The following RYR1 variants were observed in gnomAD, a reference collection of about 807,000 sequenced individuals.
The protein encoded by RYR1 is ryanodine receptor 1.
In RYR1, 342 loss-of-function variants were observed where a neutral mutation model predicts 583.5. The ratio of observed to expected loss-of-function variants is 0.59; its 90% CI spans 0.54 to 0.64. RYR1 has a LOEUF of 0.64. RYR1 is among the 30% of genes least tolerant of loss of function. The pLI is 0.00. For missense variants in RYR1, 6,032 were observed against 6,917.2 expected (o/e 0.87, Z 4.54); for synonymous variants, 2,791 against 2,822.5 (o/e 0.99, Z 0.35).
chr19:38,543,748 C>A lies in RYR1; in HGVS notation c.11908-23C>A. 1.2e-6 allele frequency: 2 copies of A among 1,611,666 alleles called. No homozygotes were observed. Among genetic ancestry groups the A allele is most frequent in the Non-Finnish European group, 8.5e-7 (1 of 1,179,914 alleles). On this transcript the variant is annotated intron_variant, in intron 86 of 105. Transcript: ENST00000359596. This position sits in a 1 kb window ranked among gnomAD's most constrained non-coding sequence, Gnocchi z 4.4. ...CCCTTCTCGGGGATTCCCTTCCCCCCCACACGGCACTCTGCCTCCCAGGGT... is the reference window on the plus strand; with the variant it reads ...CCCTTCTCGGGGATTCCCTTCCCCCACACACGGCACTCTGCCTCCCAGGGT...
chr19:38,486,168 T>C lies in RYR1; in HGVS notation c.5513T>C (p.Phe1838Ser), dbSNP rs765831276. Residue 1838 changes from phenylalanine (F) to serine (S), a missense_variant, in exon 34 of 106, where the codon TTT (phenylalanine) becomes TCT (serine). Physicochemically the swap from Phe to Ser is radical, Grantham distance 155. Around this residue, in one of 11 missense-constraint regions of RYR1, gnomAD observed 2,627 missense variants for 2,961.3 expected, o/e 0.89. Coordinates refer to ENST00000359596, the MANE Select transcript of RYR1 (RefSeq NM_000540.3). The stretch of plus-strand genomic sequence containing the variant: ...GTCGGGGGCTCCGTGGAGTTCCAGT[T>C]TGTGCCTGTGCTCAAGCTCGTGTCC... Reference protein sequence around the residue: ...DPVGGSVEFQFVPVLKLVSTL... With the variant: ...DPVGGSVEFQSVPVLKLVSTL... 1 of 1,612,980 alleles carries C rather than the reference T, an allele frequency of 6.2e-7. No homozygotes were observed. Among genetic ancestry groups the C allele is most frequent in the Admixed American group, 1.7e-5 (1 of 60,006 alleles).
intron 94 of RYR1, among the ~76,000 whole-genome samples, chr19:38,571,505 C>T (rs1362247288): frequency 6.6e-6 from 1 of 152,006 alleles, no homozygotes; most frequent in Non-Finnish European, 1.5e-5. Context: ...GGCCTGGTGG[C>T]GGGCACCTGT....
In RYR1 at chr19:38,477,809, C is replaced by T. The variant is rs1005584992; in HGVS notation, c.4393C>T (p.Leu1465Phe). 2 of 1,613,880 alleles carry T rather than the reference C, an allele frequency of 1.2e-6. No individual in the cohort carries two copies. Among genetic ancestry groups the T allele is most frequent in the Non-Finnish European group, 1.7e-6 (2 of 1,179,960 alleles). Reference protein sequence around the residue: ...DYHQHDMSFDLSKVRVVTVTM... With the variant: ...DYHQHDMSFDFSKVRVVTVTM... ...CCATCAGCACGACATGAGCTTCGAC[C>T]TCAGCAAGGTCCGGGTCGTGACGGT... The change falls in exon 30 of 106, where the codon CTC becomes TTC. Residue 1465 changes from leucine (L) to phenylalanine (F), a missense_variant. Leu to Phe is a conservative substitution (Grantham distance 22). Transcript: ENST00000359596.
intron 29 of RYR1, 105 bp downstream of exon 29, chr19:38,475,555 T>A (rs1243443721): frequency 4.3e-6 from 6 of 1,387,386 alleles, no homozygotes; most frequent in Middle Eastern, 1.8e-4. Context: ...CACCTTACAC[T>A]GGGGACTCCC....
At chr19:38,530,342 C>A (rs557777871) in intron 76 of RYR1, among the ~76,000 whole-genome samples, 5 of 151,990 alleles carry the variant, frequency 3.3e-5, no homozygotes, top group Admixed American at 2.0e-4. Context: ...TCAGACCCCC[C>A]ACTCCACATC....
rs118192118 is a variant in RYR1 at position 38,452,854 on chromosome 19, C to T, written c.1280C>T (p.Ser427Leu). Reference sequence around the variant, plus strand: ...AGCTTCAGCGGGAAGCCACGGGGCTCGGGGCCACCCGCTGGCACGGCGCTG... The same window carrying T: ...AGCTTCAGCGGGAAGCCACGGGGCTTGGGGCCACCCGCTGGCACGGCGCTG... ...LDSFSGKPRG[S>L]GPPAGTALPI... is the part of the protein sequence containing the mutation. Residue 427 changes from serine to leucine, a missense_variant, in exon 13 of 106, where the codon TCG becomes TTG. Physicochemically the swap from Ser to Leu is moderately radical, Grantham distance 145 (BLOSUM62 -2). Around this residue, in one of 11 missense-constraint regions of RYR1, gnomAD observed 2,627 missense variants for 2,961.3 expected, o/e 0.89. Transcript: ENST00000359596. 6.8e-6 allele frequency: 11 copies of T among 1,606,116 alleles called. No homozygotes were observed. Among genetic ancestry groups the T allele is most frequent in the African/African-American group, 1.3e-5 (1 of 74,938 alleles).
At position 38,492,501 on chromosome 19, in the gene RYR1, G is replaced by C. The variant is rs763963516; in HGVS notation, c.6139G>C (p.Asp2047His). 7.4e-6 allele frequency: 12 copies of C among 1,614,006 alleles called. No homozygotes were observed. The Admixed American group carries it at 1.2e-4, about 16-fold the overall frequency. ...DLLAHCGIQL[D>H]GEEEEPEEET... Reference sequence around the variant, plus strand: ...TTGACCACTTCCAGGAATTCAGCTAGATGGAGAGGAGGAGGAACCAGAGGA... The same window carrying C: ...TTGACCACTTCCAGGAATTCAGCTACATGGAGAGGAGGAGGAACCAGAGGA... Residue 2047 changes from aspartate to histidine, a missense_variant, in exon 38 of 106, where the codon GAT (aspartate) becomes CAT (histidine). By Grantham distance (81) the Asp-to-His change is moderately conservative. Around this residue, in one of 11 missense-constraint regions of RYR1, gnomAD observed 2,627 missense variants for 2,961.3 expected, o/e 0.89. Coordinates refer to ENST00000359596, the MANE Select transcript of RYR1 (RefSeq NM_000540.3).
At chr19:38,528,502 A>C in intron 74 of RYR1, 84 bp downstream of exon 74, 1 of 1,588,844 alleles carries the variant, frequency 6.3e-7, no homozygotes, top group East Asian at 2.2e-5. Flanking sequence ...GGCCAACGTG[A>C]TGGGGCCTTG....
intron 84 of RYR1, among the ~76,000 whole-genome samples, chr19:38,541,807 G>T (rs1279001523): frequency 2.6e-5 from 4 of 152,044 alleles, no homozygotes; most frequent in Non-Finnish European, 5.9e-5. Flanking sequence ...GCAGGGGCTG[G>T]ACATACGGCT....
chr19:38,511,737 T>G (rs1430099547), intron 61 of RYR1, 127 bp downstream of exon 61: 1 of 1,166,326 alleles, frequency 8.6e-7, no homozygotes, highest in East Asian at 2.3e-5. Context: ...CCTGGAGACA[T>G]GGACCAGGTA....
rs778281847 is a variant in RYR1, at chr19:38,494,513, C to G, written c.6436C>G (p.Pro2146Ala). 1.2e-6 allele frequency: 2 copies of G among 1,613,802 alleles called. No individual in the cohort carries two copies. Among genetic ancestry groups the G allele is most frequent in the Admixed American group, 3.3e-5 (2 of 60,020 alleles). The change falls in exon 39 of 106, where the codon CCG (proline) becomes GCG (alanine). Residue 2146 changes from proline (P) to alanine (A), a missense_variant. Physicochemically the swap from Pro to Ala is conservative, Grantham distance 27. This residue lies in a region of RYR1 where 2,627 missense variants were observed against 2,961.3 expected (regional missense o/e 0.89). Transcript: ENST00000359596. ...RALPRAYTIS[P>A]SSVEDTMSLL... ...CCTGCCGCGGGCGTACACCATCTCA[C>G]CGTCCTCCGTGGAAGACACCATGAG...
At position 38,543,598 on chromosome 19, in the gene RYR1, A is replaced by T; in HGVS notation, c.11845A>T (p.Asn3949Tyr). Residue 3949 changes from asparagine to tyrosine, a missense_variant, in exon 86 of 106, where the codon AAC becomes TAC. Physicochemically the swap from Asn to Tyr is moderately radical, Grantham distance 143. This residue lies in a region of RYR1 where 82 missense variants were observed against 139.7 expected (regional missense o/e 0.59). Coordinates refer to ENST00000359596, the MANE Select transcript of RYR1 (RefSeq NM_000540.3). The surrounding 1 kb of genome is among the most constrained non-coding windows in gnomAD (Gnocchi z 4.4). ...KDVIEEQGKR[N>Y]FSKAMSVAKQ... Reference sequence around the variant, plus strand: ...TGTCATTGAAGAGCAGGGCAAGAGGAACTTCTCCAAAGCCATGTCGGTGGC... The same window carrying T: ...TGTCATTGAAGAGCAGGGCAAGAGGTACTTCTCCAAAGCCATGTCGGTGGC... 1 of 1,614,126 alleles carries T rather than the reference A, an allele frequency of 6.2e-7. No individual in the cohort carries two copies. The highest frequency in any genetic ancestry group is 8.5e-7 in the Non-Finnish European group (1 of 1,180,006).
At chr19:38,511,051 TTTGGGAAGCTGAG>T (rs1838919911) in intron 60 of RYR1, among the ~76,000 whole-genome samples, 1 of 152,050 alleles carries the variant, frequency 6.6e-6, no homozygotes, top group Admixed American at 6.6e-5. Context: ...ATTCCAACAC[TTTGGGAAGCTGAG>T]GTGGGAAGAT....
intron 47 of RYR1, among the ~76,000 whole-genome samples, chr19:38,501,682 C>T (rs1252539276): frequency 1.3e-5 from 2 of 151,930 alleles, no homozygotes; most frequent in African/African-American, 2.4e-5. Flanking sequence ...AGAAGCCTTC[C>T]GAGAGGGGGT....
chr19:38,502,997 C>A (rs1336631146), intron 49 of RYR1, 27 bp downstream of exon 49: 3 of 1,602,106 alleles, frequency 1.9e-6, no homozygotes, highest in Non-Finnish European at 1.7e-6. Flanking sequence ...TTTAGCATCT[C>A]ATTTCCAGGC....
At chr19:38,485,566 G>T in intron 33 of RYR1, 24 bp from the exon 34 acceptor site, 1 of 1,606,306 alleles carries the variant, frequency 6.2e-7, no homozygotes. Context: ...ATCTGTCCCT[G>T]TCTGTTTCCC....
chr19:38,521,680 G>C (rs1161291988), intron 67 of RYR1, among the ~76,000 whole-genome samples: 1 of 150,678 alleles, frequency 6.6e-6, no homozygotes, highest in African/African-American at 2.4e-5. Context: ...CTGGGCGACA[G>C]AGCGAGACCC....
chr19:38,494,889 G>C (rs1346497922), intron 39 of RYR1, among the ~76,000 whole-genome samples: 5 of 123,196 alleles, frequency 4.1e-5, no homozygotes, highest in African/African-American at 1.3e-4. Flanking sequence ...GTCTCACTCT[G>C]TCACCCAGGC....
chr19:38,479,999 C>T (rs537882589), intron 31 of RYR1, among the ~76,000 whole-genome samples: 17 of 150,552 alleles, frequency 1.1e-4, no homozygotes, highest in Non-Finnish European at 2.2e-4. Context: ...GGATTGCAGG[C>T]GTGAGCCACT....
Sources: allele counts gnomAD v4.1 joint callset (sites outside exome capture counted in the v4.1 genomes callset), GRCh38; gene constraint gnomAD v4.1.1; regional missense constraint gnomAD v4.1.1; non-coding constraint Gnocchi (gnomAD v3.1); transcripts MANE v1.5; gene names NCBI Gene and HGNC (gene_info 2026-07-23, HGNC 2026-07-21).